The following CLIC5 variants were observed in gnomAD, a reference collection of about 807,000 sequenced individuals.
CLIC5 encodes CLIC family member 5, also known as chloride intracellular channel protein 5.
CLIC5 carries 20 observed loss-of-function variants against 24.7 expected under a neutral mutation model. That is an observed-to-expected ratio of 0.81 (90% CI 0.57 to 1.18). The LOEUF (loss-of-function observed/expected upper bound fraction) is 1.18, where lower values mean the gene tolerates loss of function less well. Among genes scored for constraint, CLIC5 ranks in the 50% most tolerant of loss-of-function variants. CLIC5 has a pLI of 0.00. For synonymous variants in CLIC5, 159 were observed against 135.6 expected (o/e 1.17, Z -1.20); for missense variants, 341 against 326.1 (o/e 1.05, Z -0.35).
At chr6:45,936,617 A>T (rs1429863195) in intron 4 of CLIC5, among the ~76,000 whole-genome samples, 1 of 152,178 alleles carries the variant, frequency 6.6e-6, no homozygotes, top group Non-Finnish European at 1.5e-5. Context: ...TACAGAGTTG[A>T]AGTAACCTGT....
chr6:45,960,578 CT>C (rs1408372782), intron 1 of CLIC5, among the ~76,000 whole-genome samples: 1 of 152,190 alleles, frequency 6.6e-6, no homozygotes, highest in Non-Finnish European at 1.5e-5. Context: ...TGCAACCCCC[CT>C]GGCACCTCAT....
At chr6:46,041,491 A>G (rs1767807147) in intron 1 of CLIC5, among the ~76,000 whole-genome samples, 1 of 152,164 alleles carries the variant, frequency 6.6e-6, no homozygotes, top group South Asian at 2.1e-4. Flanking sequence ...TTTACAGCCT[A>G]CCTTTTATTG....
At chr6:45,930,117 C>T (rs1561941546) in intron 4 of CLIC5, among the ~76,000 whole-genome samples, 1 of 152,086 alleles carries the variant, frequency 6.6e-6, no homozygotes, top group Non-Finnish European at 1.5e-5. Context: ...GGAAAAAATG[C>T]CCCACTTCAC....
intron 4 of CLIC5, among the ~76,000 whole-genome samples, chr6:45,929,102 G>A (rs997199260): frequency 2.0e-5 from 3 of 151,686 alleles, no homozygotes; most frequent in African/African-American, 7.3e-5. Context: ...GCCCACCCAC[G>A]CAGGGCCCAG....
At chr6:46,060,724 C>CA (rs1157527311) in intron 1 of CLIC5, among the ~76,000 whole-genome samples, 1 of 150,074 alleles carries the variant, frequency 6.7e-6, no homozygotes, top group African/African-American at 2.5e-5. Context: ...CTGGTGCCTG[C>CA]ATTTTTTTTC....
At chr6:46,025,927 T>A (rs545058096) in intron 1 of CLIC5, among the ~76,000 whole-genome samples, 11 of 152,308 alleles carry the variant, frequency 7.2e-5, no homozygotes, top group African/African-American at 2.6e-4. Context: ...TTCCCTCTGC[T>A]TTCTGCCATG....
At chr6:46,088,993 A>G in the CLIC5 span, among the ~76,000 whole-genome samples, 1 of 152,236 alleles carries the variant, frequency 6.6e-6, no homozygotes, top group Non-Finnish European at 1.5e-5. Context: ...AATGTTTTGC[A>G]TGGTGCCTTA....
chr6:45,882,400 C>T (rs1762271487), intron 6 of CLIC5, among the ~76,000 whole-genome samples: 1 of 152,262 alleles, frequency 6.6e-6, no homozygotes, highest in Non-Finnish European at 1.5e-5. Flanking sequence ...ATGGCAATGG[C>T]CACCACCCTT....
chr6:46,072,927 A>T (rs1310401373), intron 1 of CLIC5, among the ~76,000 whole-genome samples: 3 of 152,300 alleles, frequency 2.0e-5, no homozygotes, highest in East Asian at 3.9e-4. Flanking sequence ...CAACCTTCTG[A>T]AGCATATTCA....
the CLIC5 span, among the ~76,000 whole-genome samples, chr6:46,105,125 G>C: frequency 6.6e-6 from 1 of 152,212 alleles, no homozygotes; most frequent in African/African-American, 2.4e-5. Context: ...GAGACCTTAA[G>C]AGAATGCAGC....
chr6:45,926,392 C>T lies in CLIC5; in HGVS notation c.407-11983G>A, dbSNP rs1763495793. Reference sequence around the variant, plus strand: ...CCTCCCGAGTAGCTGGGACTACAGGCACCCGCCACCACACCCGGCTAAATT... The same window carrying T: ...CCTCCCGAGTAGCTGGGACTACAGGTACCCGCCACCACACCCGGCTAAATT... On this transcript the variant is annotated intron_variant, in intron 4 of 5. Coordinates refer to ENST00000339561, the MANE Select transcript of CLIC5 (RefSeq NM_016929.5). 2.0e-5 allele frequency among the ~76,000 whole-genome samples: 3 copies of T among 151,230 alleles called. No homozygotes were observed. The South Asian group carries it at 6.3e-4, about 32-fold the overall frequency.
At chr6:45,958,113 A>G (rs983303184) in intron 1 of CLIC5, among the ~76,000 whole-genome samples, 8 of 152,048 alleles carry the variant, frequency 5.3e-5, no homozygotes, top group African/African-American at 1.9e-4. Flanking sequence ...ATTGGATTAG[A>G]ATGGGCTCTA....
At chr6:46,031,612 G>C (rs576461254) in intron 1 of CLIC5, among the ~76,000 whole-genome samples, 2 of 151,872 alleles carry the variant, frequency 1.3e-5, no homozygotes, top group African/African-American at 2.4e-5. Context: ...AGACAAATTT[G>C]GGCCTTATAA....
intron 1 of CLIC5, among the ~76,000 whole-genome samples, chr6:46,024,960 G>T (rs1767289131): frequency 1.3e-5 from 2 of 152,238 alleles, no homozygotes; most frequent in South Asian, 2.1e-4. Context: ...CCAGAGAAAG[G>T]CTATGTGTGT....
At chr6:45,932,484 T>C (rs963490487) in intron 4 of CLIC5, among the ~76,000 whole-genome samples, 5 of 152,226 alleles carry the variant, frequency 3.3e-5, no homozygotes, top group Admixed American at 2.0e-4. Context: ...TGATCTTGCT[T>C]AATACGTTTA....
intron 1 of CLIC5, among the ~76,000 whole-genome samples, chr6:46,060,459 G>C (rs552907988): frequency 6.6e-6 from 1 of 152,102 alleles, no homozygotes; most frequent in East Asian, 1.9e-4. Context: ...TAGTTGTATG[G>C]TGCTTATTTT....
At chr6:46,068,605 T>G (rs537848042) in intron 1 of CLIC5, among the ~76,000 whole-genome samples, 1 of 152,282 alleles carries the variant, frequency 6.6e-6, no homozygotes, top group South Asian at 2.1e-4. Context: ...CAAGTTTGTA[T>G]GTTGAAATCC....
At chr6:45,982,897 G>T (rs1358853553) in intron 1 of CLIC5, among the ~76,000 whole-genome samples, 1 of 152,190 alleles carries the variant, frequency 6.6e-6, no homozygotes, top group African/African-American at 2.4e-5. Context: ...TAAATGGCAT[G>T]AATTTGGAGT....
intron 1 of CLIC5, among the ~76,000 whole-genome samples, chr6:46,050,842 A>AGTGTGT (rs1362299564): frequency 4.3e-5 from 4 of 93,194 alleles, no homozygotes; most frequent in African/African-American, 1.7e-4. Context: ...TAAGGTATAA[A>AGTGTGT]GTGTGTGTGT....
Sources: gnomAD v4.1 joint callset for allele counts (sites outside exome capture counted in the v4.1 genomes callset) on GRCh38, gnomAD v4.1.1 for gene constraint, MANE v1.5 for transcripts, NCBI Gene and HGNC (gene_info 2026-07-23, HGNC 2026-07-21) for gene names.